DIAPH2: variants seen among roughly 807,000 people sequenced by gnomAD.
DIAPH2 encodes the protein protein diaphanous homolog 2.
DIAPH2 carries 35 observed loss-of-function variants against 92.7 expected under a neutral mutation model. The ratio of observed to expected loss-of-function variants is 0.38; its 90% CI spans 0.29 to 0.50. DIAPH2 has a LOEUF of 0.50. Ranked by LOEUF, DIAPH2 falls within the 20% of genes least tolerant of loss-of-function variation. The probability of loss-of-function intolerance (pLI) is 0.94; values close to 1 mark genes in which losing one functional copy is unlikely to be tolerated. For missense variants in DIAPH2, 701 were observed against 819.5 expected (o/e 0.86, Z 1.77); for synonymous variants, 301 against 280.4 (o/e 1.07, Z -0.73).
intron 23 of DIAPH2, among the ~76,000 whole-genome samples, chrX:97,302,233 A>AAAAAAAAG (rs1556021678): frequency 1.1e-5 from 1 of 88,906 alleles, no homozygotes; most frequent in Non-Finnish European, 2.3e-5. Context: ...AAAAAAAAAA[A>AAAAAAAAG]GTATTGGACA....
At chrX:96,815,223 T>C (rs1232595503) in intron 4 of DIAPH2, among the ~76,000 whole-genome samples, 2 of 112,013 alleles carry the variant, frequency 1.8e-5, no homozygotes, top group Non-Finnish European at 3.8e-5. Flanking sequence ...TCTGTTTACC[T>C]ACTCAAGCCT....
At chrX:97,383,802 C>A in intron 24 of DIAPH2, 107 bp from the exon 25 acceptor site, 1 of 713,075 alleles carries the variant, frequency 1.4e-6, no homozygotes, top group Non-Finnish European at 1.9e-6. Flanking sequence ...TTTTGTTTAA[C>A]TTTGTTTATA....
At chrX:97,192,549 T>C (rs2067663798) in intron 22 of DIAPH2, among the ~76,000 whole-genome samples, 1 of 111,395 alleles carries the variant, frequency 9.0e-6, no homozygotes, top group Non-Finnish European at 1.9e-5. Flanking sequence ...CTGTGAAGTT[T>C]TCATCAGCCT....
intron 23 of DIAPH2, among the ~76,000 whole-genome samples, chrX:97,251,054 C>T (rs1362347129): frequency 8.9e-6 from 1 of 112,055 alleles, no homozygotes; most frequent in Non-Finnish European, 1.9e-5. Flanking sequence ...TTCTTCCTTT[C>T]TCTACCCAAA....
chrX:97,157,333 A>T (rs747087676), intron 22 of DIAPH2, among the ~76,000 whole-genome samples: 54 of 56,583 alleles, frequency 9.5e-4, no homozygotes, highest in Non-Finnish European at 1.5e-3. Context: ...AATAATAATA[A>T]TATAATAATA....
chrX:97,473,010 G>A (rs928630552), intron 26 of DIAPH2, among the ~76,000 whole-genome samples: 2 of 111,484 alleles, frequency 1.8e-5, no homozygotes, highest in African/African-American at 6.5e-5. Flanking sequence ...GTTCTTCCTG[G>A]TACAACTAGT....
At chrX:96,874,360 C>T (rs942004420) in intron 4 of DIAPH2, among the ~76,000 whole-genome samples, 6 of 111,661 alleles carry the variant, frequency 5.4e-5, no homozygotes, top group Non-Finnish European at 9.4e-5. Flanking sequence ...GATGGGGGCT[C>T]ATAGAAAATA....
intron 25 of DIAPH2, among the ~76,000 whole-genome samples, chrX:97,429,312 G>A (rs1381344693): frequency 9.0e-6 from 1 of 111,583 alleles, no homozygotes; most frequent in Non-Finnish European, 1.9e-5. Context: ...CTGAGTCAGT[G>A]GTTTCTTGGT....
At chrX:96,895,745 C>G (rs762511978) in intron 5 of DIAPH2, among the ~76,000 whole-genome samples, 7 of 111,921 alleles carry the variant, frequency 6.3e-5, no homozygotes, top group Non-Finnish European at 1.3e-4. Flanking sequence ...AGTGATTGGT[C>G]TGGCAAAACA....
At chrX:97,016,771 A>T (rs1459602371) in intron 17 of DIAPH2, among the ~76,000 whole-genome samples, 4 of 112,078 alleles carry the variant, frequency 3.6e-5, no homozygotes, top group African/African-American at 6.5e-5. Flanking sequence ...TCCCACCATA[A>T]TGTAATTTGT....
At chrX:96,843,934 G>A (rs1333526297) in intron 4 of DIAPH2, among the ~76,000 whole-genome samples, 2 of 112,147 alleles carry the variant, frequency 1.8e-5, no homozygotes, top group Non-Finnish European at 3.8e-5. Context: ...ACAAGTACTT[G>A]AGGGCATTTG....
At chrX:97,382,825 GA>G (rs2069563316) in intron 24 of DIAPH2, among the ~76,000 whole-genome samples, 1 of 112,069 alleles carries the variant, frequency 8.9e-6, no homozygotes, top group South Asian at 3.7e-4. Context: ...TTAACATAAA[GA>G]AAAAAATTAT....
At chrX:97,491,591 A>G (rs2147822660) in intron 26 of DIAPH2, among the ~76,000 whole-genome samples, 1 of 110,264 alleles carries the variant, frequency 9.1e-6, no homozygotes, top group East Asian at 2.8e-4. Flanking sequence ...TTGTATTTTT[A>G]GTACAGACAG....
rs1320837418 is a variant in DIAPH2, at chrX:97,348,812, G to A, written c.3009+532G>A. Among the ~76,000 whole-genome samples the A allele has an allele frequency of 5.5e-5, 6 of 110,060 alleles. No homozygotes were observed. In the Admixed American group the frequency reaches 5.9e-4, roughly 11 times the overall value. The stretch of plus-strand genomic sequence containing the variant: ...ACAGTAAATATTAGCATTAATTGGG[G>A]GTGGCAATTAGGGTACAAGTTATGA... On this transcript the variant is annotated intron_variant, in intron 24 of 26. Transcript: ENST00000324765.
intron 17 of DIAPH2, among the ~76,000 whole-genome samples, chrX:97,008,533 C>T (rs1489529774): frequency 4.5e-5 from 5 of 111,427 alleles, no homozygotes; most frequent in East Asian, 2.8e-4. Flanking sequence ...TCTTGGCACT[C>T]GGGGCTTGTT....
rs780787320 is a variant in DIAPH2, at chrX:97,034,781, A to T, written c.2051-38160A>T. On this transcript the variant is annotated intron_variant, in intron 17 of 26. Transcript: ENST00000324765. ...TTTTTTTAAAAGTGTGTATGTGTGGATTGGATACAGTAATCTAGGAAAGTC... is the reference window on the plus strand; with the variant it reads ...TTTTTTTAAAAGTGTGTATGTGTGGTTTGGATACAGTAATCTAGGAAAGTC... Among the ~76,000 whole-genome samples, 242 of 111,124 alleles carry T rather than the reference A, an allele frequency of 2.2e-3. 1 individual carries two copies. Among genetic ancestry groups the T allele is most frequent in the Non-Finnish European group, 3.0e-3 (160 of 52,902 alleles).
intron 4 of DIAPH2, among the ~76,000 whole-genome samples, chrX:96,877,593 G>T (rs1012075337): frequency 8.9e-6 from 1 of 111,773 alleles, no homozygotes; most frequent in African/African-American, 3.2e-5. Flanking sequence ...CTTTTCCCAA[G>T]TTGTAAGTAA....
At chrX:97,442,106 C>T (rs1033308644) in intron 26 of DIAPH2, 4 of 113,130 alleles carry the variant, frequency 3.5e-5, no homozygotes, top group African/African-American at 9.6e-5. Flanking sequence ...TGCACATTTC[C>T]TCATTGGTGA....
chrX:96,728,786 T>G (rs2147559043), intron 1 of DIAPH2, among the ~76,000 whole-genome samples: 1 of 113,142 alleles, frequency 8.8e-6, no homozygotes, highest in East Asian at 2.8e-4. Flanking sequence ...TTTTCATTTC[T>G]ATTGCTTTTT....
Sources: allele counts gnomAD v4.1 joint callset (sites outside exome capture counted in the v4.1 genomes callset), GRCh38; gene constraint gnomAD v4.1.1; transcripts MANE v1.5; gene names NCBI Gene and HGNC (gene_info 2026-07-23, HGNC 2026-07-21).